CYP19A1: variants seen among roughly 807,000 people sequenced by gnomAD.
CYP19A1 encodes cytochrome P450 family 19 subfamily A member 1, also known as aromatase.
A neutral mutation model predicts 44.4 loss-of-function variants in CYP19A1; 32 were observed. The observed-to-expected ratio is 0.72, with a 90% confidence interval of 0.54 to 0.97. The LOEUF (loss-of-function observed/expected upper bound fraction) is 0.97, where lower values mean the gene tolerates loss of function less well. CYP19A1 is among the 50% of genes least tolerant of loss of function. CYP19A1 has a pLI of 0.00. For missense variants in CYP19A1, 598 were observed against 637.8 expected (o/e 0.94, Z 0.67); for synonymous variants, 212 against 215.6 (o/e 0.98, Z 0.14).
In CYP19A1 at chr15:51,248,933, CTT is replaced by C. The variant is rs375834140; in HGVS notation, c.-38-5985_-38-5984del. On this transcript the variant is annotated intron_variant, in intron 1 of 9. Transcript: ENST00000396402. ...TTGTCTACAAGACTTTCAAATTCAT[CTT>C]TTTTTTTTTTTTTTTAGACAGAGTC... is the stretch of plus-strand genomic sequence containing the variant. 4.4e-3 allele frequency among the ~76,000 whole-genome samples: 619 copies of C among 140,290 alleles called. 3 individuals are homozygous for C. Among genetic ancestry groups the C allele is most frequent in the African/African-American group, 0.015 (583 of 38,412 alleles). The allele number at this position is 140,290 out of a possible 152,430, so 92.0% of individuals were successfully genotyped here.
At chr15:51,325,079 C>T (rs1425819253) in intron 1 of CYP19A1, among the ~76,000 whole-genome samples, 1 of 152,064 alleles carries the variant, frequency 6.6e-6, no homozygotes, top group African/African-American at 2.4e-5. Context: ...AAGTTTAGGG[C>T]ACACGGTTAT....
intron 6 of CYP19A1, 112 bp downstream of exon 6, chr15:51,218,429 G>C: frequency 1.4e-6 from 2 of 1,452,906 alleles, no homozygotes; most frequent in Non-Finnish European, 1.8e-6. Flanking sequence ...GCTCCCTTGT[G>C]GGCTCTAGAG....
intron 1 of CYP19A1, among the ~76,000 whole-genome samples, chr15:51,303,951 G>A (rs1358273809): frequency 1.3e-5 from 2 of 152,132 alleles, no homozygotes; most frequent in Non-Finnish European, 2.9e-5. Flanking sequence ...ATGCAGCAGG[G>A]TGTTCAAATG....
intron 1 of CYP19A1, among the ~76,000 whole-genome samples, chr15:51,308,384 G>A (rs1473360936): frequency 5.3e-5 from 8 of 152,138 alleles, no homozygotes; most frequent in Admixed American, 5.2e-4. Flanking sequence ...GCCTTCTCTT[G>A]TTTTTTCTTC....
At chr15:51,212,601 G>A (rs1421998245) in intron 8 of CYP19A1, 40 bp from the exon 9 acceptor site, 1 of 1,310,338 alleles carries the variant, frequency 7.6e-7, no homozygotes, top group Non-Finnish European at 1.1e-6. Context: ...GGTAATGTTA[G>A]TTTCCATCTG....
intron 3 of CYP19A1, among the ~76,000 whole-genome samples, chr15:51,231,140 T>C (rs2032997433): frequency 1.3e-5 from 2 of 152,332 alleles, no homozygotes; most frequent in African/African-American, 4.8e-5. Flanking sequence ...CTGTTACTCA[T>C]CTTCTGATGT....
At chr15:51,248,657 C>T (rs1052919038) in intron 1 of CYP19A1, among the ~76,000 whole-genome samples, 4 of 152,166 alleles carry the variant, frequency 2.6e-5, no homozygotes, top group Non-Finnish European at 4.4e-5. Flanking sequence ...GGATCTGTGT[C>T]TCTCTCTTTC....
intron 6 of CYP19A1, among the ~76,000 whole-genome samples, chr15:51,216,361 C>T (rs891801157): frequency 6.6e-6 from 1 of 152,192 alleles, no homozygotes; most frequent in African/African-American, 2.4e-5. Context: ...AAGCCATTCT[C>T]CTGCCTCAGC....
chr15:51,277,741 CAGAT>C (rs1329454626), intron 1 of CYP19A1, among the ~76,000 whole-genome samples: 15 of 151,934 alleles, frequency 9.9e-5, no homozygotes, highest in Admixed American at 6.6e-4. Flanking sequence ...AATTCTGAAA[CAGAT>C]AGATTGTTCC....
intron 2 of CYP19A1, 45 bp from the exon 3 acceptor site, chr15:51,237,054 A>C: frequency 6.2e-6 from 10 of 1,611,540 alleles, no homozygotes; most frequent in Non-Finnish European, 8.5e-6. Context: ...GTTACACCAA[A>C]AATTGCAACT....
At chr15:51,213,706 C>T (rs1018323172) in intron 8 of CYP19A1, among the ~76,000 whole-genome samples, 24 of 152,138 alleles carry the variant, frequency 1.6e-4, no homozygotes, top group African/African-American at 5.8e-4. Flanking sequence ...TTAACATGTA[C>T]ACGTACATTT....
At chr15:51,276,202 G>C (rs1374045229) in intron 1 of CYP19A1, among the ~76,000 whole-genome samples, 1 of 152,184 alleles carries the variant, frequency 6.6e-6, no homozygotes, top group African/African-American at 2.4e-5. Context: ...GTCTATAGCA[G>C]CCAGTCTAAT....
chr15:51,286,693 C>T (rs968679065), intron 1 of CYP19A1, among the ~76,000 whole-genome samples: 4 of 152,236 alleles, frequency 2.6e-5, no homozygotes, highest in Non-Finnish European at 4.4e-5. Context: ...CTCCATTCTA[C>T]TCTCACCCCA....
chr15:51,308,859 A>G (rs2036260520), intron 1 of CYP19A1, among the ~76,000 whole-genome samples: 1 of 152,166 alleles, frequency 6.6e-6, no homozygotes, highest in South Asian at 2.1e-4. Flanking sequence ...GGGTGGTAAA[A>G]TAACTCATGC....
intron 3 of CYP19A1, 139 bp downstream of exon 3, chr15:51,236,719 TG>T: frequency 9.8e-7 from 1 of 1,024,754 alleles, no homozygotes; most frequent in Non-Finnish European, 1.5e-6. Flanking sequence ...GTTAGATTTC[TG>T]GGGATTGCTC....
chr15:51,310,215 C>T (rs1320478198), intron 1 of CYP19A1, among the ~76,000 whole-genome samples: 2 of 152,054 alleles, frequency 1.3e-5, no homozygotes, highest in Non-Finnish European at 2.9e-5. Flanking sequence ...ACACTCTTAA[C>T]AAAATACAAA....
At position 51,336,749 on chromosome 15, in the gene CYP19A1, G is replaced by T. The variant is rs12592656; in HGVS notation, c.-39+1746C>A. Among the ~76,000 whole-genome samples the T allele has an allele frequency of 0.015, 2,280 of 152,288 alleles. 184 individuals carry two copies. In the East Asian group the frequency reaches 0.25, roughly 17 times the overall value. On this transcript the variant is annotated intron_variant, in intron 1 of 9. Coordinates refer to ENST00000396402, the MANE Select transcript of CYP19A1 (RefSeq NM_000103.4). ...ACCATTCTATTTAACTTTTGGAAATGAAGCATCTGCCTTTTAATGGAAAAA... is the reference window on the plus strand; with the variant it reads ...ACCATTCTATTTAACTTTTGGAAATTAAGCATCTGCCTTTTAATGGAAAAA...
chr15:51,242,746 C>T, intron 2 of CYP19A1, 22 bp downstream of exon 2: 49 of 1,467,564 alleles, frequency 3.3e-5, no homozygotes, highest in Non-Finnish European at 4.6e-5. Context: ...TCCTTAGATA[C>T]AGAAATAAAT....
intron 1 of CYP19A1, among the ~76,000 whole-genome samples, chr15:51,282,568 C>T (rs2035557283): frequency 6.6e-6 from 1 of 152,228 alleles, no homozygotes; most frequent in Non-Finnish European, 1.5e-5. Flanking sequence ...GCCTTCACAG[C>T]CTCCATACTT....
Sources: allele counts gnomAD v4.1 joint callset (sites outside exome capture counted in the v4.1 genomes callset), GRCh38; gene constraint gnomAD v4.1.1; transcripts MANE v1.5; gene names NCBI Gene and HGNC (gene_info 2026-07-23, HGNC 2026-07-21).